ATR: variants seen among roughly 807,000 people sequenced by gnomAD.
ATR encodes ATR checkpoint kinase, also known as serine/threonine-protein kinase ATR.
Under a neutral mutation model 305.3 loss-of-function variants are expected in ATR, and 142 were observed. The observed-to-expected ratio is 0.47, with a 90% CI of 0.41 to 0.53. ATR has a LOEUF of 0.53. Ranked by LOEUF, ATR falls within the 20% of genes least tolerant of loss-of-function variation. The pLI is 0.00. For synonymous variants in ATR, 1,050 were observed against 1,068.1 expected (o/e 0.98, Z 0.33); for missense variants, 2,135 against 3,133.1 (o/e 0.68, Z 7.60).
chr3:142,538,393 G>C (rs951182502), intron 19 of ATR, 89 bp downstream of exon 19: 4 of 1,403,226 alleles, frequency 2.9e-6, no homozygotes, highest in Non-Finnish European at 2.9e-6. Flanking sequence ...TCAAAAAAGT[G>C]ACAGTTTCCA....
rs886957555 is a variant in ATR at position 142,450,792 on chromosome 3, A to C, written c.7762-1190T>G. 9.2e-5 allele frequency: 132 copies of C among 1,429,840 alleles called. 1 individual carries two copies. Among genetic ancestry groups the C allele is most frequent in the Non-Finnish European group, 2.4e-5 (26 of 1,083,398 alleles). The allele number at this position is 1,429,840 out of a possible 1,614,324, so 88.6% of individuals were successfully genotyped here. A position where few individuals can be genotyped will look rare whatever the true frequency, so the allele number is the denominator to read the frequency against. The stretch of plus-strand genomic sequence containing the variant: ...TTCGTTATCACACTGCGTGGACAGA[A>C]CATGTTCAAGTGGTCCAACCACAAG... On this transcript the variant is annotated intron_variant, in intron 46 of 46. Coordinates refer to ENST00000350721, the MANE Select transcript of ATR (RefSeq NM_001184.4).
At chr3:142,564,529 T>C (rs1354113057) in intron 3 of ATR, among the ~76,000 whole-genome samples, 1 of 152,222 alleles carries the variant, frequency 6.6e-6, no homozygotes, top group Non-Finnish European at 1.5e-5. Flanking sequence ...TTCTTTCAAC[T>C]AAAATTTGAG....
chr3:142,484,509 C>A (rs1481137467), intron 36 of ATR, among the ~76,000 whole-genome samples: 4 of 152,180 alleles, frequency 2.6e-5, no homozygotes. Context: ...CCAGACCTCA[C>A]CCTACCTATC....
chr3:142,498,472 A>G, intron 32 of ATR, 125 bp downstream of exon 32: 1 of 825,606 alleles, frequency 1.2e-6, no homozygotes, highest in Non-Finnish European at 1.9e-6. Flanking sequence ...AAAGAATGAA[A>G]GAGCTGTCTA....
chr3:142,565,733 TAAAAAA>T (rs55690216), intron 3 of ATR, among the ~76,000 whole-genome samples: 17 of 79,334 alleles, frequency 2.1e-4, no homozygotes, highest in African/African-American at 6.3e-4. Flanking sequence ...CTGTCTTATT[TAAAAAA>T]AAAAAAAAAA....
intron 36 of ATR, among the ~76,000 whole-genome samples, chr3:142,482,185 T>TAA (rs2030549327): frequency 6.6e-6 from 1 of 152,144 alleles, no homozygotes; most frequent in Non-Finnish European, 1.5e-5. Context: ...TTTATGTACT[T>TAA]AAGGTTTCTA....
chr3:142,485,172 A>G lies in ATR; in HGVS notation c.6189T>C (p.Asp2063=), dbSNP rs1196360744. 16 of 1,614,084 alleles carry G rather than the reference A, an allele frequency of 9.9e-6. No individual in the cohort carries two copies. Among genetic ancestry groups the G allele is most frequent in the Non-Finnish European group, 1.3e-5 (15 of 1,180,048 alleles). The change falls in exon 36 of 47, where the codon GAT becomes GAC. Residue 2063 remains aspartate (D), a synonymous_variant. Coordinates refer to ENST00000350721, the MANE Select transcript of ATR (RefSeq NM_001184.4). ...AATGAAGAACTATATACCGGATGAG[A>G]TCACCTTGCTTTTCCATTTTGTTGT... ...VTDNKMEKQG[D]LIRYIVLHFG...
At chr3:142,560,477 G>C (rs1370479642) in intron 5 of ATR, 23 bp from the exon 6 acceptor site, 1 of 1,553,500 alleles carries the variant, frequency 6.4e-7, no homozygotes, top group East Asian at 2.2e-5. Flanking sequence ...ATATAGTAGA[G>C]AGATATTCAT....
intron 29 of ATR, among the ~76,000 whole-genome samples, chr3:142,504,611 C>T (rs766658053): frequency 3.3e-5 from 5 of 151,352 alleles, no homozygotes; most frequent in South Asian, 2.1e-4. Context: ...TACAGGCGCT[C>T]GCCACCACAC....
intron 35 of ATR, 45 bp downstream of exon 35, chr3:142,493,087 C>A: frequency 6.3e-7 from 1 of 1,586,934 alleles, no homozygotes; most frequent in Non-Finnish European, 8.6e-7. Flanking sequence ...AGTCATTTTA[C>A]GTAGTCAACA....
rs71153972 is a variant in ATR, at chr3:142,544,621, C to CAAAAA, written c.3358-1869_3358-1865dup. Among the ~76,000 whole-genome samples, 41 of 83,592 alleles carry CAAAAA rather than the reference C, an allele frequency of 4.9e-4. 1 individual carries two copies. The highest frequency in any genetic ancestry group is 1.5e-3 in the African/African-American group (35 of 22,620). 54.8% of individuals were successfully genotyped at this position (83,592 alleles called of 152,430 possible). On this transcript the variant is annotated intron_variant, in intron 16 of 46. Transcript: ENST00000350721. ...TTTATGTACAGGCAGAAGAAAGGAG[C>CAAAAA]AAAAAAAAAAAAAAAAAAAAATGAG...
At chr3:142,470,007 T>TCCA (rs2071222878) in intron 37 of ATR, 79 bp downstream of exon 37, 1 of 1,126,038 alleles carries the variant, frequency 8.9e-7, no homozygotes, top group South Asian at 1.3e-5. Context: ...TCTAGGAAAT[T>TCCA]AGACTGTCCA....
chr3:142,538,751 T>C, intron 18 of ATR, 126 bp from the exon 19 acceptor site: 2 of 1,240,610 alleles, frequency 1.6e-6, no homozygotes. Context: ...GCTTTAAACA[T>C]GGAATAAAGA....
At chr3:142,455,500 A>G (rs1215287133) in intron 45 of ATR, among the ~76,000 whole-genome samples, 1 of 152,246 alleles carries the variant, frequency 6.6e-6, no homozygotes, top group Admixed American at 6.5e-5. Flanking sequence ...ACACTTTATG[A>G]TTTCAAAATT....
intron 18 of ATR, among the ~76,000 whole-genome samples, chr3:142,539,920 G>T (rs1002372477): frequency 3.3e-5 from 5 of 152,104 alleles, no homozygotes; most frequent in African/African-American, 1.2e-4. Flanking sequence ...AAAGATTAGT[G>T]GGGAATTTTA....
At chr3:142,566,529 T>C (rs563693169) in intron 2 of ATR, among the ~76,000 whole-genome samples, 1 of 151,690 alleles carries the variant, frequency 6.6e-6, no homozygotes, top group East Asian at 2.0e-4. Flanking sequence ...GGGCTGAGGC[T>C]GGAGGATTCC....
At chr3:142,519,630 A>T (rs1454218544) in intron 24 of ATR, 39 bp downstream of exon 24, 45 of 1,539,582 alleles carry the variant, frequency 2.9e-5, no homozygotes, top group Non-Finnish European at 4.0e-5. Flanking sequence ...ATATAATTAA[A>T]AACAATTTTA....
At position 142,556,570 on chromosome 3, in the gene ATR, G is replaced by A. The variant is rs953498984; in HGVS notation, c.1891C>T (p.Gln631Ter). ...SCRISDSYSP[Q>*]AQSRCVFLLT... Reference sequence around the variant, plus strand: ...AGAAACACACATCGTGATTGTGCCTGTGGTGCTGAAAAAATTAAGTCTATT... The same window carrying A: ...AGAAACACACATCGTGATTGTGCCTATGGTGCTGAAAAAATTAAGTCTATT... The change falls in exon 9 of 47, where the codon CAG becomes TAG. Residue 631 changes from glutamine to a stop codon, truncating the protein, a stop_gained. Coordinates refer to ENST00000350721, the MANE Select transcript of ATR (RefSeq NM_001184.4). LOFTEE classifies it high-confidence loss of function. 6.2e-6 allele frequency: 10 copies of A among 1,613,884 alleles called. No homozygotes were observed. The highest frequency in any genetic ancestry group is 8.5e-6 in the Non-Finnish European group (10 of 1,179,942).
intron 23 of ATR, 64 bp downstream of exon 23, chr3:142,522,664 A>G (rs1559962080): frequency 1.5e-6 from 2 of 1,333,444 alleles, no homozygotes; most frequent in East Asian, 4.6e-5. Context: ...ACAAGTATAG[A>G]ATTTACAACG....
Sources: allele counts gnomAD v4.1 joint callset (sites outside exome capture counted in the v4.1 genomes callset), GRCh38; gene constraint gnomAD v4.1.1; transcripts MANE v1.5; gene names NCBI Gene and HGNC (gene_info 2026-07-23, HGNC 2026-07-21).